Variants in SAMD4A observed in about 807,000 individuals in gnomAD.
The protein encoded by SAMD4A is sterile alpha motif domain containing 4A, also known as protein Smaug homolog 1.
A neutral mutation model predicts 81.3 loss-of-function variants in SAMD4A; 33 were observed. The observed-to-expected ratio is 0.41, with a 90% CI of 0.31 to 0.54. SAMD4A has a LOEUF of 0.54. SAMD4A is among the 20% of genes least tolerant of loss of function. The pLI, the probability that SAMD4A is intolerant of heterozygous loss-of-function variation, is 0.37. For synonymous variants in SAMD4A, 389 were observed against 382.1 expected, an observed-to-expected ratio of 1.02 and a Z score of -0.21; for missense variants, 854 against 951.1, an observed-to-expected ratio of 0.90 and a Z score of 1.34.
At chr14:54,636,992 A>G (rs2035049061) in intron 2 of SAMD4A, among the ~76,000 whole-genome samples, 1 of 152,132 alleles carries the variant, frequency 6.6e-6, no homozygotes, top group African/African-American at 2.4e-5. Flanking sequence ...TATGGCATGG[A>G]ACTGCATGAG....
chr14:54,576,054 T>C (rs1164301378), intron 2 of SAMD4A, among the ~76,000 whole-genome samples: 1 of 120,540 alleles, frequency 8.3e-6, no homozygotes, highest in African/African-American at 3.2e-5. Context: ...TGCTATGGGC[T>C]GTAAAGTTGA....
chr14:54,612,361 C>T (rs8014394), intron 2 of SAMD4A, among the ~76,000 whole-genome samples: 3,433 of 152,104 alleles, frequency 0.023, 124 homozygotes, highest in African/African-American at 0.078. Context: ...ACATATGTCT[C>T]CAAGTCTTCT....
intron 2 of SAMD4A, among the ~76,000 whole-genome samples, chr14:54,649,727 A>C (rs148758349): frequency 6.6e-6 from 1 of 152,368 alleles, no homozygotes; most frequent in East Asian, 1.9e-4. Flanking sequence ...GCAAGCAGGC[A>C]TAAGTGTCAG....
chr14:54,767,204 C>T (rs1049754412), intron 8 of SAMD4A, among the ~76,000 whole-genome samples: 2 of 152,176 alleles, frequency 1.3e-5, no homozygotes, highest in African/African-American at 2.4e-5. Flanking sequence ...GTAGAACACG[C>T]CCTGCCTGTG....
At chr14:54,572,171 G>A (rs1391445065) in intron 2 of SAMD4A, among the ~76,000 whole-genome samples, 1 of 152,106 alleles carries the variant, frequency 6.6e-6, no homozygotes, top group Non-Finnish European at 1.5e-5. Flanking sequence ...CTCTTAGTGT[G>A]GGGTAAATGA....
At chr14:54,639,971 C>T (rs950913892) in intron 2 of SAMD4A, among the ~76,000 whole-genome samples, 8 of 152,010 alleles carry the variant, frequency 5.3e-5, no homozygotes, top group African/African-American at 1.9e-4. Flanking sequence ...TAGGCTATGT[C>T]TGGCCAAAAT....
chr14:54,695,969 A>AG (rs1555344345), intron 2 of SAMD4A, among the ~76,000 whole-genome samples: 26 of 149,666 alleles, frequency 1.7e-4, no homozygotes, highest in East Asian at 8.1e-4. Flanking sequence ...AAAAAAAAAA[A>AG]AAAAGAAAAA....
intron 6 of SAMD4A, 55 bp downstream of exon 6, chr14:54,751,592 G>A (rs1872949422): frequency 8.6e-7 from 1 of 1,166,780 alleles, no homozygotes; most frequent in African/African-American, 1.5e-5. Flanking sequence ...AATGGACCAA[G>A]GAAAATTCTC....
intron 3 of SAMD4A, among the ~76,000 whole-genome samples, chr14:54,732,148 T>C (rs1333950690): frequency 2.0e-5 from 3 of 152,106 alleles, no homozygotes; most frequent in Admixed American, 1.3e-4. Flanking sequence ...ACATGAACGG[T>C]GTAAGTTAAT....
chr14:54,790,616 A>G lies in SAMD4A; in HGVS notation c.*1672A>G, dbSNP rs558934411. ...AAGGTATGAATGCTCAGCCAGAGGCAAGATCAGGGAGATGGTACAAGGCCT... is the reference window on the plus strand; with the variant it reads ...AAGGTATGAATGCTCAGCCAGAGGCGAGATCAGGGAGATGGTACAAGGCCT... On this transcript the variant is annotated 3_prime_UTR_variant, in exon 13 of 13. Transcript: ENST00000554335. 34 of 152,236 alleles carry G rather than the reference A, an allele frequency of 2.2e-4. No homozygotes were observed. Among genetic ancestry groups the G allele is most frequent in the Admixed American group, 2.1e-3 (32 of 15,296 alleles). The allele number at this position is 152,236 out of a possible 1,614,324, so 9.4% of individuals were successfully genotyped here. A position where few individuals can be genotyped will look rare whatever the true frequency, so the allele number is the denominator to read the frequency against.
At chr14:54,605,317 C>T (rs999979200) in intron 2 of SAMD4A, among the ~76,000 whole-genome samples, 6 of 151,928 alleles carry the variant, frequency 3.9e-5, no homozygotes, top group African/African-American at 1.5e-4. Context: ...ATCTTTAAGT[C>T]ATCAACATTA....
Position 54,670,834 on chromosome 14 carries a change from C to T in SAMD4A, c.197-31228C>T, listed in dbSNP as rs567445672. ...CCTTCAAGACTACCTGCATTCCTTA[C>T]CAATAGCAGCTAAAATTGCTCCTAA... On this transcript the variant is annotated intron_variant, in intron 2 of 12. Coordinates refer to ENST00000554335, the MANE Select transcript of SAMD4A (RefSeq NM_015589.6). 1.5e-4 allele frequency among the ~76,000 whole-genome samples: 23 copies of T among 152,240 alleles called. 1 individual carries two copies. Among genetic ancestry groups the T allele is most frequent in the African/African-American group, 5.1e-4 (21 of 41,530 alleles).
intron 2 of SAMD4A, among the ~76,000 whole-genome samples, chr14:54,651,700 C>T (rs1283228379): frequency 2.6e-5 from 4 of 152,040 alleles, no homozygotes; most frequent in Admixed American, 2.6e-4. Context: ...GTATAAATGT[C>T]GATGCAATTT....
chr14:54,782,627 C>T (rs709939), intron 11 of SAMD4A, among the ~76,000 whole-genome samples: 84,096 of 152,038 alleles, frequency 0.55, 23,392 homozygotes, highest in East Asian at 0.66. Context: ...CCAAACCCAT[C>T]GATGCCGGAA....
chr14:54,678,413 G>A (rs374240903), intron 2 of SAMD4A, among the ~76,000 whole-genome samples: 1 of 128,930 alleles, frequency 7.8e-6, no homozygotes, highest in Non-Finnish European at 1.6e-5. Context: ...CCAATGTGTC[G>A]TATTTTGGGC....
At chr14:54,692,118 G>A (rs2036457733) in intron 2 of SAMD4A, among the ~76,000 whole-genome samples, 1 of 152,196 alleles carries the variant, frequency 6.6e-6, no homozygotes, top group Non-Finnish European at 1.5e-5. Flanking sequence ...CTTGAGTTGG[G>A]AAATTTTGTC....
At chr14:54,565,383 G>A (rs908447876), upstream of SAMD4A, among the ~76,000 whole-genome samples, 2 of 152,256 alleles carry the variant, frequency 1.3e-5, no homozygotes, top group Non-Finnish European at 2.9e-5. This position sits in a 1 kb window ranked among gnomAD's most constrained non-coding sequence, Gnocchi z 5.4. Flanking sequence ...CACCTCCCCG[G>A]GGAAGAGTGG....
In SAMD4A at chr14:54,789,256, G is replaced by A. The variant is rs2039217990; in HGVS notation, c.*312G>A. On this transcript the variant is annotated 3_prime_UTR_variant, in exon 13 of 13. Transcript: ENST00000554335. ...GCAGGTAGCTCTCTGGATGGAACGG[G>A]GACAGGGGAAAGAGTACTGCCATGA... 2.1e-6 allele frequency: 1 copy of A among 478,832 alleles called. No homozygotes were observed. Among genetic ancestry groups the A allele is most frequent in the Non-Finnish European group, 3.8e-6 (1 of 263,274 alleles). The allele number at this position is 478,832 out of a possible 1,614,324, so 29.7% of individuals were successfully genotyped here. A position where few individuals can be genotyped will look rare whatever the true frequency, so the allele number is the denominator to read the frequency against.
chr14:54,784,458 C>A (rs2039082694), intron 11 of SAMD4A, 79 bp from the exon 12 acceptor site: 1 of 1,613,640 alleles, frequency 6.2e-7, no homozygotes, highest in East Asian at 2.2e-5. Context: ...GTACACCAGA[C>A]CTTTCTCCTG....
Sources: allele counts gnomAD v4.1 joint callset (sites outside exome capture counted in the v4.1 genomes callset), GRCh38; gene constraint gnomAD v4.1.1; non-coding constraint Gnocchi (gnomAD v3.1); transcripts MANE v1.5; gene names NCBI Gene and HGNC (gene_info 2026-07-23, HGNC 2026-07-21).